Variants in RANBP3 observed in about 807,000 individuals in gnomAD.
RANBP3 encodes the protein ran-binding protein 3.
In RANBP3, 14 loss-of-function variants were observed where a neutral mutation model predicts 77.3. The observed-to-expected ratio is 0.18, with a 90% CI of 0.12 to 0.28. RANBP3 has a LOEUF of 0.28. Ranked by LOEUF, RANBP3 falls within the 10% of genes least tolerant of loss-of-function variation. RANBP3 has a pLI of 1.00. For synonymous variants in RANBP3, 315 were observed against 312.4 expected (o/e 1.01, Z -0.09); for missense variants, 586 against 752.3 (o/e 0.78, Z 2.59).
chr19:5,940,367 C>T (rs2058119904), intron 5 of RANBP3, among the ~76,000 whole-genome samples: 1 of 152,190 alleles, frequency 6.6e-6, no homozygotes, highest in Admixed American at 6.5e-5. Flanking sequence ...CCACAGAACA[C>T]CTATCCACAG....
chr19:5,973,891 G>A (rs911998330), intron 1 of RANBP3, among the ~76,000 whole-genome samples: 1 of 152,180 alleles, frequency 6.6e-6, no homozygotes, highest in Non-Finnish European at 1.5e-5. Flanking sequence ...GGGGCTCAAA[G>A]AGGTTAAGAA....
intron 1 of RANBP3, among the ~76,000 whole-genome samples, chr19:5,964,245 T>C (rs1177819343): frequency 6.6e-6 from 1 of 152,136 alleles, no homozygotes; most frequent in Non-Finnish European, 1.5e-5. Context: ...CACAGGAAGC[T>C]TGGCCATCTC....
Position 5,952,675 on chromosome 19 carries a change from C to T in RANBP3, c.79-1079G>A, listed in dbSNP as rs369134593. Among the ~76,000 whole-genome samples the T allele has an allele frequency of 3.3e-5, 5 of 152,118 alleles. No individual in the cohort carries two copies. The highest frequency in any genetic ancestry group is 6.5e-5 in the Admixed American group (1 of 15,274). The stretch of plus-strand genomic sequence containing the variant: ...GTGTGAAGTGGCTGACCTCTTTAGA[C>T]GGGGTTTGGGCACTACTTAAAAAGC... On this transcript the variant is annotated intron_variant, in intron 2 of 16. Transcript: ENST00000340578. The surrounding 1 kb of genome is among the most constrained non-coding windows in gnomAD (Gnocchi z 4.1).
In RANBP3 at chr19:5,959,273, G is replaced by C. The variant is rs780475256; in HGVS notation, c.23-1300C>G. Among the ~76,000 whole-genome samples the C allele has an allele frequency of 6.6e-6, 1 of 152,132 alleles. No individual in the cohort carries two copies. The highest frequency in any genetic ancestry group is 1.5e-5 in the Non-Finnish European group (1 of 68,000). Reference sequence around the variant, plus strand: ...GGTTGAAAGCAAACAGTTTGGGGAAGGGAGTGAGAGTGGCTGTGGGGAGAC... The same window carrying C: ...GGTTGAAAGCAAACAGTTTGGGGAACGGAGTGAGAGTGGCTGTGGGGAGAC... On this transcript the variant is annotated intron_variant, in intron 1 of 16. Coordinates refer to ENST00000340578, the MANE Select transcript of RANBP3 (RefSeq NM_007322.3). This position sits in a 1 kb window ranked among gnomAD's most constrained non-coding sequence, Gnocchi z 5.1.
chr19:5,941,247 G>C (rs746031735), intron 5 of RANBP3, among the ~76,000 whole-genome samples: 2 of 152,206 alleles, frequency 1.3e-5, no homozygotes, highest in Non-Finnish European at 2.9e-5. Flanking sequence ...CTGAGGGGTT[G>C]GGAGAACACC....
chr19:5,948,655 C>G (rs2058238056), intron 3 of RANBP3, among the ~76,000 whole-genome samples: 1 of 151,954 alleles, frequency 6.6e-6, no homozygotes, highest in African/African-American at 2.4e-5. Context: ...AAGGGCAGGC[C>G]CTGAGAAAAG....
chr19:5,936,231 G>A (rs2058062868), intron 5 of RANBP3, among the ~76,000 whole-genome samples: 2 of 152,270 alleles, frequency 1.3e-5, no homozygotes, highest in South Asian at 2.1e-4. Context: ...TCAGCCATGC[G>A]GTGGGCAGGG....
chr19:5,974,096 G>T (rs896767313), intron 1 of RANBP3, among the ~76,000 whole-genome samples: 2 of 152,264 alleles, frequency 1.3e-5, no homozygotes, highest in South Asian at 2.1e-4. Context: ...CCGCGAGTGA[G>T]GGGAGGTGTG....
intron 3 of RANBP3, among the ~76,000 whole-genome samples, chr19:5,943,443 G>C (rs980330649): frequency 2.0e-5 from 3 of 152,270 alleles, no homozygotes; most frequent in African/African-American, 7.2e-5. Flanking sequence ...GGCCACATTT[G>C]GTCTCTGTCA....
intron 1 of RANBP3, among the ~76,000 whole-genome samples, chr19:5,967,921 A>T (rs974756548): frequency 6.6e-6 from 1 of 152,046 alleles, no homozygotes; most frequent in Middle Eastern, 3.2e-3. Context: ...GGAGGCTGAG[A>T]CCCAAGCATC....
At chr19:5,918,115 G>A (rs1406431872) in intron 15 of RANBP3, 135 bp from the exon 16 acceptor site, 6 of 1,020,054 alleles carry the variant, frequency 5.9e-6, no homozygotes, top group Non-Finnish European at 8.3e-6. Context: ...CATTGGCCCT[G>A]GGCCTGCCGG....
intron 1 of RANBP3, among the ~76,000 whole-genome samples, chr19:5,968,039 A>G (rs2058488812): frequency 6.6e-6 from 1 of 152,186 alleles, no homozygotes; most frequent in South Asian, 2.1e-4. Flanking sequence ...AAAGAAAGAA[A>G]AAAGAAAAAA....
At chr19:5,962,121 G>A (rs867169105) in intron 1 of RANBP3, among the ~76,000 whole-genome samples, 41 of 152,046 alleles carry the variant, frequency 2.7e-4, no homozygotes, top group African/African-American at 9.9e-4. Flanking sequence ...ATCACCCAGC[G>A]TACACCGCAT....
chr19:5,921,905 C>T lies in RANBP3; in HGVS notation c.1210-584G>A, dbSNP rs535518340. Among the ~76,000 whole-genome samples, 7 of 152,322 alleles carry T rather than the reference C, an allele frequency of 4.6e-5. 1 individual carries two copies. The highest frequency in any genetic ancestry group is 7.2e-5 in the African/African-American group (3 of 41,570). On this transcript the variant is annotated intron_variant, in intron 13 of 16. Coordinates refer to ENST00000340578, the MANE Select transcript of RANBP3 (RefSeq NM_007322.3). This position sits in a 1 kb window ranked among gnomAD's most constrained non-coding sequence, Gnocchi z 5.3. Reference sequence around the variant, plus strand: ...AACAAGGCTCCGACCCCCGCTGCAACGTGGATGAACCTCTGGCTCAGCGAG... The same window carrying T: ...AACAAGGCTCCGACCCCCGCTGCAATGTGGATGAACCTCTGGCTCAGCGAG...
chr19:5,946,305 G>A (rs565243539), intron 3 of RANBP3, among the ~76,000 whole-genome samples: 17 of 152,302 alleles, frequency 1.1e-4, no homozygotes, highest in African/African-American at 3.9e-4. Flanking sequence ...CTTGCTGCGT[G>A]GGTGGAGTCC....
intron 7 of RANBP3, among the ~76,000 whole-genome samples, 154 bp downstream of exon 7, chr19:5,932,298 T>G (rs1568454754): frequency 6.6e-6 from 1 of 152,156 alleles, no homozygotes; most frequent in East Asian, 1.9e-4. Context: ...TGGAGACGGC[T>G]GGGGGGTGAT....
Position 5,978,090 on chromosome 19 carries a change from C to T in RANBP3, c.-8G>A, listed in dbSNP as rs372523899. 4.3e-6 allele frequency: 7 copies of T among 1,609,644 alleles called. No homozygotes were observed. In the African/African-American group the frequency reaches 9.4e-5, roughly 22 times the overall value. On this transcript the variant is annotated 5_prime_UTR_variant, in exon 1 of 17. Coordinates refer to ENST00000340578, the MANE Select transcript of RANBP3 (RefSeq NM_007322.3). ...GTTCGCCAGGTCCGCCATTTTACTT[C>T]CTTAAGCCCTCCCACAAGGCCCCGC...
chr19:5,936,032 G>A (rs3760769), intron 5 of RANBP3, among the ~76,000 whole-genome samples: 2,836 of 152,374 alleles, frequency 0.019, 209 homozygotes, highest in Admixed American at 0.12. Context: ...CCCTGTCTGA[G>A]GGTGCTTTTC....
chr19:5,928,224 AG>A (rs2057939549), intron 8 of RANBP3, 137 bp from the exon 9 acceptor site: 1 of 1,021,764 alleles, frequency 9.8e-7, no homozygotes. Flanking sequence ...GCTACTCAGA[AG>A]GCTGAGACAG....
Sources: allele counts gnomAD v4.1 joint callset (sites outside exome capture counted in the v4.1 genomes callset), GRCh38; gene constraint gnomAD v4.1.1; non-coding constraint Gnocchi (gnomAD v3.1); transcripts MANE v1.5; gene names NCBI Gene and HGNC (gene_info 2026-07-23, HGNC 2026-07-21).